The following ZNF335 variants were observed in gnomAD, a reference collection of about 807,000 sequenced individuals.
ZNF335 encodes the protein zinc finger protein 335.
In ZNF335, 84 loss-of-function variants were observed where a neutral mutation model predicts 145.6. The observed-to-expected ratio is 0.58, with a 90% CI of 0.48 to 0.69. ZNF335 has a LOEUF of 0.69. Ranked by LOEUF, ZNF335 falls within the 30% of genes least tolerant of loss-of-function variation. The pLI is 0.00. For missense variants in ZNF335, 1,865 were observed against 1,809.7 expected (o/e 1.03, Z -0.55); for synonymous variants, 761 against 717.0 (o/e 1.06, Z -0.98).
chr20:45,954,476 G>GT (rs1236079781), intron 17 of ZNF335, among the ~76,000 whole-genome samples: 5 of 152,236 alleles, frequency 3.3e-5, no homozygotes, highest in African/African-American at 1.2e-4. Context: ...TAAAACGTAG[G>GT]TAAGTATTTT....
chr20:45,960,984 G>T, intron 10 of ZNF335, 102 bp from the exon 11 acceptor site: 1 of 1,485,744 alleles, frequency 6.7e-7, no homozygotes, highest in Non-Finnish European at 9.2e-7. Context: ...CCTACTCCCT[G>T]CCAAGGCCCC....
Position 45,953,936 on chromosome 20 carries a change from TCAC to T in ZNF335, c.2452_2454del (p.Val818del). On this transcript the variant is annotated inframe_deletion, in exon 18 of 28. Transcript: ENST00000322927. ...AACCCTGCTTCCACATCTTCCGACT[TCAC>T]CACAGCCACCTGCAACGGCACCAGG... The T allele has an allele frequency of 6.3e-7, 1 of 1,596,900 alleles. No homozygotes were observed. Among genetic ancestry groups the T allele is most frequent in the East Asian group, 2.3e-5 (1 of 44,290 alleles).
chr20:45,969,384 A>G lies in ZNF335; in HGVS notation c.442+67T>C, dbSNP rs115355976. 3,610 of 1,438,062 alleles carry G rather than the reference A, an allele frequency of 2.5e-3. 77 individuals are homozygous for G. In the African/African-American group the frequency reaches 0.043, roughly 17 times the overall value. The allele number at this position is 1,438,062 out of a possible 1,614,324, so 89.1% of individuals were successfully genotyped here. ...GTAATCTGCCTGAGTTCACACAGCT[A>G]GGGTGGGCACAGCTGGCTGCCGGAC... On this transcript the variant is annotated intron_variant, in intron 3 of 27. Coordinates refer to ENST00000322927, the MANE Select transcript of ZNF335 (RefSeq NM_022095.4).
At chr20:45,968,203 G>A in intron 4 of ZNF335, 82 bp downstream of exon 4, 1 of 1,537,664 alleles carries the variant, frequency 6.5e-7, no homozygotes, top group South Asian at 1.1e-5. Context: ...CAGGGCCACA[G>A]ACGGAATCCG....
chr20:45,972,189 G>A lies in ZNF335; in HGVS notation c.-118C>T, dbSNP rs747755572. On this transcript the variant is annotated 5_prime_UTR_variant, in exon 1 of 28. Transcript: ENST00000322927. Reference sequence around the variant, plus strand: ...ACGAGGTCGCCATCCTCTTTCCTCCGCTGCGGAGGAACCCATCGGCCTATT... The same window carrying A: ...ACGAGGTCGCCATCCTCTTTCCTCCACTGCGGAGGAACCCATCGGCCTATT... 73 of 1,288,706 alleles carry A rather than the reference G, an allele frequency of 5.7e-5. 1 individual carries two copies. The highest frequency in any genetic ancestry group is 5.7e-5 in the Non-Finnish European group (56 of 988,396). 79.8% of individuals were successfully genotyped at this position (1,288,706 alleles called of 1,614,324 possible).
Position 45,971,345 on chromosome 20 carries a change from G to C in ZNF335, c.66C>G (p.Pro22=). 2.5e-6 allele frequency: 4 copies of C among 1,599,758 alleles called. No homozygotes were observed. Among genetic ancestry groups the C allele is most frequent in the Non-Finnish European group, 3.4e-6 (4 of 1,179,428 alleles). The change falls in exon 2 of 28, where the codon CCC becomes CCG. Residue 22 remains proline, a synonymous_variant. Coordinates refer to ENST00000322927, the MANE Select transcript of ZNF335 (RefSeq NM_022095.4). ...TGCCCACACCCAGGCCGCTCTCAGA[G>C]GGCTCCTCGGGCCGGCCAGGCCCAG... ...AAPGPGRPEE[P]SESGLGVGTS... is the part of the protein sequence containing the mutation.
At chr20:45,960,582 C>T in intron 12 of ZNF335, 34 bp downstream of exon 12, 1 of 1,613,726 alleles carries the variant, frequency 6.2e-7, no homozygotes, top group Non-Finnish European at 8.5e-7. Context: ...CAGGGGAGGC[C>T]CTCCTCTCAG....
intron 20 of ZNF335, 117 bp from the exon 21 acceptor site, chr20:45,950,712 A>T: frequency 7.1e-7 from 1 of 1,414,358 alleles, no homozygotes; most frequent in African/African-American, 1.4e-5. Flanking sequence ...GGAAAACCAA[A>T]ATCCTGTGCA....
Position 45,953,763 on chromosome 20 carries a change from A to G in ZNF335, c.2628T>C (p.Phe876=). 2 of 1,614,118 alleles carry G rather than the reference A, an allele frequency of 1.2e-6. No homozygotes were observed. Among genetic ancestry groups the G allele is most frequent in the Non-Finnish European group, 1.7e-6 (2 of 1,180,024 alleles). ...LPQITLAPGP[F]GGTGYSVITA... Reference sequence around the variant, plus strand: ...TGATGACACTGTAGCCAGTCCCACCAAATGGACCAGGTGCCAGGGTGATCT... The same window carrying G: ...TGATGACACTGTAGCCAGTCCCACCGAATGGACCAGGTGCCAGGGTGATCT... The change falls in exon 18 of 28, where the codon TTT becomes TTC. Residue 876 remains phenylalanine (F), a synonymous_variant. Transcript: ENST00000322927.
In ZNF335 at chr20:45,949,411, A is replaced by G. The variant is rs41280270; in HGVS notation, c.3754-13T>C. ...GGCCCTCCTGTACCTGCAGAGAGGA[A>G]GCCAAGCTGTGATCCTAGGGAGAGG... On this transcript the variant is annotated splice_polypyrimidine_tract_variant and intron_variant, in intron 25 of 27. Transcript: ENST00000322927. The G allele has an allele frequency of 4.2e-4, 676 of 1,614,056 alleles. 1 individual carries two copies. The highest frequency in any genetic ancestry group is 5.3e-4 in the Admixed American group (32 of 60,014).
chr20:45,962,236 C>T (rs1600537841), intron 9 of ZNF335, 54 bp from the exon 10 acceptor site: 18 of 1,387,232 alleles, frequency 1.3e-5, no homozygotes, highest in Non-Finnish European at 1.7e-5. Flanking sequence ...TCTCCCATCC[C>T]CGTCCCCACC....
rs1355594021 is a variant in ZNF335, at chr20:45,968,126, C to G, written c.521-99G>C. 7.8e-6 allele frequency: 12 copies of G among 1,544,696 alleles called. No individual in the cohort carries two copies. In the South Asian group the frequency reaches 1.4e-4, roughly 18 times the overall value. On this transcript the variant is annotated intron_variant, in intron 4 of 27. Transcript: ENST00000322927. ...CCAGGCAGGCCCAGGGAGTGCAGAACCAAATTCCCCACCAGAGGCCAACCC... is the reference window on the plus strand; with the variant it reads ...CCAGGCAGGCCCAGGGAGTGCAGAAGCAAATTCCCCACCAGAGGCCAACCC...
chr20:45,967,328 G>T, intron 6 of ZNF335, 166 bp downstream of exon 6: 1 of 1,006,930 alleles, frequency 9.9e-7, no homozygotes, highest in African/African-American at 1.6e-5. Context: ...CTGCACAACT[G>T]CACACAGAAG....
At chr20:45,953,428 T>C (rs2083669733) in intron 18 of ZNF335, among the ~76,000 whole-genome samples, 1 of 152,174 alleles carries the variant, frequency 6.6e-6, no homozygotes, top group Non-Finnish European at 1.5e-5. Context: ...CCTGGCCCAT[T>C]TCCTCATTTG....
rs2083752233 is a variant in ZNF335, at chr20:45,957,599, C to G, written c.2429G>C (p.Gly810Ala). 2 of 1,613,760 alleles carry G rather than the reference C, an allele frequency of 1.2e-6. No homozygotes were observed. Among genetic ancestry groups the G allele is most frequent in the Non-Finnish European group, 1.7e-6 (2 of 1,179,874 alleles). ...LNMSAQRELG[G>A]TALQVAVVKS... ...CAGGCAGCTCACCTGCAGGGCTGTGCCCCCCAGTTCCCGCTGAGCACTCAT... is the reference window on the plus strand; with the variant it reads ...CAGGCAGCTCACCTGCAGGGCTGTGGCCCCCAGTTCCCGCTGAGCACTCAT... The change falls in exon 17 of 28, where the codon GGC (glycine) becomes GCC (alanine). Residue 810 changes from glycine to alanine, a missense_variant. Coordinates refer to ENST00000322927, the MANE Select transcript of ZNF335 (RefSeq NM_022095.4).
intron 15 of ZNF335, 77 bp from the exon 16 acceptor site, chr20:45,958,005 T>C (rs1473126597): frequency 1.7e-6 from 2 of 1,177,004 alleles, no homozygotes; most frequent in African/African-American, 3.0e-5. Context: ...ACCTCTGATC[T>C]GCCAGATGTT....
chr20:45,950,943 A>G (rs1194084155), intron 20 of ZNF335, among the ~76,000 whole-genome samples: 4 of 151,662 alleles, frequency 2.6e-5, no homozygotes, highest in South Asian at 4.2e-4. Context: ...CAGAGGCTGG[A>G]GTGCAATGGC....
At position 45,948,897 on chromosome 20, in the gene ZNF335, C is replaced by T. The variant is rs2083573500; in HGVS notation, c.*56G>A. On this transcript the variant is annotated 3_prime_UTR_variant, in exon 28 of 28. Coordinates refer to ENST00000322927, the MANE Select transcript of ZNF335 (RefSeq NM_022095.4). ...AAGAGGGAGGTGAGTCCTGGTGGCC[C>T]CCTACCCCCAGGAGAGCTGGCCGCA... 4 of 1,611,392 alleles carry T rather than the reference C, an allele frequency of 2.5e-6. 1 individual carries two copies. In the South Asian group the frequency reaches 3.3e-5, roughly 13 times the overall value.
In ZNF335 at chr20:45,969,643, A is replaced by G. The variant is rs780368831; in HGVS notation, c.250T>C (p.Tyr84His). The change falls in exon 3 of 28, where the codon TAC (tyrosine) becomes CAC (histidine). Residue 84 changes from tyrosine to histidine, a missense_variant. Transcript: ENST00000322927. ...GACACAGACGATGAATCAGGGAGGT[A>G]GCTATTAGGCAGGGGGTCTGCGCTC... The part of the protein sequence containing the change: ...SSSADPLPNS[Y>H]LPDSSSVSHG... The G allele has an allele frequency of 3.2e-5, 52 of 1,611,698 alleles. No individual in the cohort carries two copies. The highest frequency in any genetic ancestry group is 3.4e-6 in the Non-Finnish European group (4 of 1,178,760).
Sources: allele counts gnomAD v4.1 joint callset (sites outside exome capture counted in the v4.1 genomes callset), GRCh38; gene constraint gnomAD v4.1.1; transcripts MANE v1.5; gene names NCBI Gene and HGNC (gene_info 2026-07-23, HGNC 2026-07-21).